KIF13A: variants seen among roughly 807,000 people sequenced by gnomAD.
The protein encoded by KIF13A is kinesin-like protein KIF13A.
A neutral mutation model predicts 212.2 loss-of-function variants in KIF13A; 79 were observed. That is an observed-to-expected ratio of 0.37 (90% CI 0.31 to 0.45). The LOEUF is 0.45. Among genes scored for constraint, KIF13A ranks in the 20% least tolerant of loss-of-function variants. The probability of loss-of-function intolerance (pLI) is 1.00; values close to 1 mark genes in which losing one functional copy is unlikely to be tolerated. For synonymous variants in KIF13A, 789 were observed against 808.6 expected (o/e 0.98, Z 0.41); for missense variants, 1,901 against 2,209.0 (o/e 0.86, Z 2.79).
intron 9 of KIF13A, among the ~76,000 whole-genome samples, chr6:17,841,758 G>A (rs1400544904): frequency 6.6e-6 from 1 of 152,162 alleles, no homozygotes; most frequent in African/African-American, 2.4e-5. Flanking sequence ...ACTGCAGGGT[G>A]AGTGGGACTC....
At chr6:17,944,072 G>A (rs925579896) in intron 2 of KIF13A, among the ~76,000 whole-genome samples, 3 of 152,222 alleles carry the variant, frequency 2.0e-5, no homozygotes, top group Non-Finnish European at 2.9e-5. Context: ...CCAACTCTAC[G>A]TTATTATCTA....
chr6:17,868,247 T>C (rs977265952), intron 4 of KIF13A, among the ~76,000 whole-genome samples: 1 of 152,140 alleles, frequency 6.6e-6, no homozygotes, highest in Non-Finnish European at 1.5e-5. Flanking sequence ...AAGATTTCTG[T>C]AGAGCTGGGA....
chr6:17,820,341 T>C (rs1240091478), intron 16 of KIF13A, among the ~76,000 whole-genome samples: 1 of 152,160 alleles, frequency 6.6e-6, no homozygotes, highest in Non-Finnish European at 1.5e-5. Context: ...CACACACAGC[T>C]ACGGTGGAGG....
At chr6:17,929,301 G>A (rs1157023717) in intron 2 of KIF13A, among the ~76,000 whole-genome samples, 4 of 152,000 alleles carry the variant, frequency 2.6e-5, no homozygotes, top group African/African-American at 4.8e-5. Flanking sequence ...ATGCAGTGGC[G>A]CCATCATAGC....
chr6:17,767,333 C>T (rs568737271), intron 38 of KIF13A, among the ~76,000 whole-genome samples: 1 of 151,788 alleles, frequency 6.6e-6, no homozygotes, highest in Admixed American at 6.6e-5. Flanking sequence ...TGGATCACTG[C>T]AACCTCTGCC....
In KIF13A at chr6:17,971,662, C is replaced by G. The variant is rs1333617477; in HGVS notation, c.146+15392G>C. Among the ~76,000 whole-genome samples the G allele has an allele frequency of 6.6e-6, 1 of 152,034 alleles. No individual in the cohort carries two copies. Among genetic ancestry groups the G allele is most frequent in the Non-Finnish European group, 1.5e-5 (1 of 67,994 alleles). ...CTGGTCTCAAGCTCCTGGGCCCAAGCGATCCTCCCACCTCTGCCTCCCAAA... is the reference window on the plus strand; with the variant it reads ...CTGGTCTCAAGCTCCTGGGCCCAAGGGATCCTCCCACCTCTGCCTCCCAAA... On this transcript the variant is annotated intron_variant, in intron 2 of 38. Transcript: ENST00000259711. The surrounding 1 kb of genome is among the most constrained non-coding windows in gnomAD (Gnocchi z 4.2).
intron 18 of KIF13A, among the ~76,000 whole-genome samples, chr6:17,806,298 G>A (rs1020960959): frequency 2.6e-5 from 4 of 152,062 alleles, no homozygotes; most frequent in Non-Finnish European, 5.9e-5. Context: ...ATACATTTGA[G>A]TAATTATTCT....
chr6:17,848,775 G>A (rs969641001), intron 9 of KIF13A, among the ~76,000 whole-genome samples: 5 of 151,776 alleles, frequency 3.3e-5, no homozygotes, highest in South Asian at 2.1e-4. Flanking sequence ...GGGTACAAAC[G>A]GGGTAGAGAC....
intron 2 of KIF13A, among the ~76,000 whole-genome samples, chr6:17,929,317 G>A (rs1775787045): frequency 6.6e-6 from 1 of 151,994 alleles, no homozygotes; most frequent in Non-Finnish European, 1.5e-5. Context: ...ATAGCTCATT[G>A]CAGCTTTGAA....
rs571819729 is a variant in KIF13A at position 17,898,291 on chromosome 6, C to T, written c.147-111G>A. 1.0e-6 allele frequency: 1 copy of T among 973,294 alleles called. No homozygotes were observed. Among genetic ancestry groups the T allele is most frequent in the Admixed American group, 2.3e-5 (1 of 43,614 alleles). The allele number at this position is 973,294 out of a possible 1,614,324, so 60.3% of individuals were successfully genotyped here. A position where few individuals can be genotyped will look rare whatever the true frequency, so the allele number is the denominator to read the frequency against. On this transcript the variant is annotated intron_variant, in intron 2 of 38. Coordinates refer to ENST00000259711, the MANE Select transcript of KIF13A (RefSeq NM_022113.6). The surrounding 1 kb of genome is among the most constrained non-coding windows in gnomAD (Gnocchi z 5.2). Reference sequence around the variant, plus strand: ...AGAAAAAAATAAGGTAAATTCAGCACCTTGATAACATGATCTGAAAGATAT... The same window carrying T: ...AGAAAAAAATAAGGTAAATTCAGCATCTTGATAACATGATCTGAAAGATAT...
At chr6:17,873,490 T>C (rs753305774) in intron 3 of KIF13A, 53 bp from the exon 4 acceptor site, 45 of 1,205,462 alleles carry the variant, frequency 3.7e-5, no homozygotes, top group Non-Finnish European at 5.1e-5. Flanking sequence ...TTCTTATGAG[T>C]AAATCAGACT....
chr6:17,929,685 C>A (rs1485683840), intron 2 of KIF13A, among the ~76,000 whole-genome samples: 5 of 152,166 alleles, frequency 3.3e-5, no homozygotes, highest in Non-Finnish European at 7.3e-5. Flanking sequence ...CAGGCGTGAG[C>A]CACCGCGCCC....
In KIF13A at chr6:17,897,779, C is replaced by T. The variant is rs1038859937; in HGVS notation, c.159+389G>A. 5.3e-5 allele frequency among the ~76,000 whole-genome samples: 8 copies of T among 152,180 alleles called. No homozygotes were observed. In the South Asian group the frequency reaches 6.2e-4, roughly 12 times the overall value. ...TACCAACTGCCATCCTATGATCTTA[C>T]CATAGTTGTTCCTCCACATTCTAGG... is the stretch of plus-strand genomic sequence containing the variant. On this transcript the variant is annotated intron_variant, in intron 3 of 38. Transcript: ENST00000259711. The surrounding 1 kb of genome is among the most constrained non-coding windows in gnomAD (Gnocchi z 4.8).
At chr6:17,813,823 T>A (rs1198717651) in intron 17 of KIF13A, among the ~76,000 whole-genome samples, 5 of 152,154 alleles carry the variant, frequency 3.3e-5, no homozygotes, top group Non-Finnish European at 7.3e-5. Context: ...GGGTAAATCA[T>A]TTAACCTCTC....
chr6:17,929,890 T>C (rs1775846679), intron 2 of KIF13A, among the ~76,000 whole-genome samples: 1 of 152,138 alleles, frequency 6.6e-6, no homozygotes, highest in South Asian at 2.1e-4. Context: ...AGGCACTACA[T>C]GCAAACACAT....
chr6:17,855,626 C>T lies in KIF13A; in HGVS notation c.314-9G>A, dbSNP rs902931634. On this transcript the variant is annotated splice_polypyrimidine_tract_variant and intron_variant, in intron 5 of 38. Transcript: ENST00000259711. This position sits in a 1 kb window ranked among gnomAD's most constrained non-coding sequence, Gnocchi z 4.1. ...AAAGGATTTTCCCGAACCTGGAGAA[C>T]AGCAAGGAAAAAGAAGAACAGGTAG... 1 of 1,594,514 alleles carries T rather than the reference C, an allele frequency of 6.3e-7. No individual in the cohort carries two copies. Among genetic ancestry groups the T allele is most frequent in the Middle Eastern group, 1.7e-4 (1 of 5,906 alleles).
At chr6:17,778,769 A>C (rs1760218293) in intron 33 of KIF13A, among the ~76,000 whole-genome samples, 178 bp downstream of exon 33, 1 of 152,194 alleles carries the variant, frequency 6.6e-6, no homozygotes, top group Non-Finnish European at 1.5e-5. Flanking sequence ...GTTATTCAAT[A>C]AAAGTTAGTC....
intron 9 of KIF13A, among the ~76,000 whole-genome samples, chr6:17,847,697 A>G (rs1767214858): frequency 6.6e-6 from 1 of 152,238 alleles, no homozygotes; most frequent in Admixed American, 6.5e-5. Context: ...TCCTGATTAT[A>G]AAAAACAACA....
chr6:17,933,404 A>ATTTTTT (rs11377627), intron 2 of KIF13A, among the ~76,000 whole-genome samples: 1 of 114,596 alleles, frequency 8.7e-6, no homozygotes, highest in African/African-American at 3.3e-5. Context: ...CACCCAGCTC[A>ATTTTTT]TTTTTTTTTT....
Sources: gnomAD v4.1 joint callset for allele counts (sites outside exome capture counted in the v4.1 genomes callset) on GRCh38, gnomAD v4.1.1 for gene constraint, Gnocchi (gnomAD v3.1) non-coding constraint, MANE v1.5 for transcripts, NCBI Gene and HGNC (gene_info 2026-07-23, HGNC 2026-07-21) for gene names.